The following PLCE1 variants were observed in gnomAD, a reference collection of about 807,000 sequenced individuals.
PLCE1 encodes 1-phosphatidylinositol 4,5-bisphosphate phosphodiesterase epsilon-1.
PLCE1 carries 119 observed loss-of-function variants against 242.8 expected under a neutral mutation model. The observed-to-expected ratio is 0.49, with a 90% CI of 0.42 to 0.57. The LOEUF is 0.57. Ranked by LOEUF, PLCE1 falls within the 20% of genes least tolerant of loss-of-function variation. The pLI, the probability that PLCE1 is intolerant of heterozygous loss-of-function variation, is 0.00. For synonymous variants in PLCE1, 945 were observed against 1,017.4 expected, an observed-to-expected ratio of 0.93 and a Z score of 1.35; for missense variants, 2,441 against 2,788.8, an observed-to-expected ratio of 0.88 and a Z score of 2.81.
intron 4 of PLCE1, among the ~76,000 whole-genome samples, chr10:94,171,836 C>T (rs2047990042): frequency 6.6e-6 from 1 of 152,080 alleles, no homozygotes; most frequent in Non-Finnish European, 1.5e-5. Flanking sequence ...CTTTTAAAAC[C>T]ACATGTCTCA....
chr10:94,099,329 A>G (rs2045431835), intron 2 of PLCE1, among the ~76,000 whole-genome samples: 1 of 152,132 alleles, frequency 6.6e-6, no homozygotes, highest in Admixed American at 6.5e-5. Context: ...TGGGCACTTT[A>G]CTCCATGCCA....
intron 4 of PLCE1, among the ~76,000 whole-genome samples, chr10:94,210,672 C>T (rs1257213444): frequency 1.3e-5 from 2 of 152,124 alleles, no homozygotes; most frequent in Non-Finnish European, 2.9e-5. Flanking sequence ...GGTCTCCAGC[C>T]CATAATCAGC....
intron 2 of PLCE1, among the ~76,000 whole-genome samples, chr10:94,041,045 C>T (rs1032195288): frequency 6.6e-6 from 1 of 152,000 alleles, no homozygotes; most frequent in South Asian, 2.1e-4. Context: ...TACATGAAAC[C>T]TTTGCCTATC....
chr10:94,088,195 A>T (rs2044910479), intron 2 of PLCE1: 1 of 152,262 alleles, frequency 6.6e-6, no homozygotes, highest in Non-Finnish European at 1.5e-5. Flanking sequence ...CAATAATGGA[A>T]TCCACCCTAT....
intron 2 of PLCE1, among the ~76,000 whole-genome samples, chr10:94,048,064 T>G (rs1021852753): frequency 2.0e-5 from 3 of 152,212 alleles, no homozygotes; most frequent in African/African-American, 7.2e-5. Flanking sequence ...ACACTGTATT[T>G]TATTCCTAAG....
rs533326244 is a variant in PLCE1, at chr10:94,050,600, C to T, written c.1206+18348C>T. Reference sequence around the variant, plus strand: ...CCTTTTGTGAAGAGCTCTTAGACTACCCTAATCTACCAAGTTCTTCTCTGT... The same window carrying T: ...CCTTTTGTGAAGAGCTCTTAGACTATCCTAATCTACCAAGTTCTTCTCTGT... On this transcript the variant is annotated intron_variant, in intron 2 of 32. Coordinates refer to ENST00000371380, the MANE Select transcript of PLCE1 (RefSeq NM_016341.4). Among the ~76,000 whole-genome samples, 216 of 152,184 alleles carry T rather than the reference C, an allele frequency of 1.4e-3. 1 individual carries two copies. Among genetic ancestry groups the T allele is most frequent in the Non-Finnish European group, 2.6e-3 (180 of 68,010 alleles).
chr10:94,106,678 C>T (rs2045746748), intron 2 of PLCE1, among the ~76,000 whole-genome samples: 1 of 152,110 alleles, frequency 6.6e-6, no homozygotes, highest in Admixed American at 6.5e-5. Context: ...TTTATCCTCC[C>T]ACAAATAGTG....
Position 94,181,299 on chromosome 10 carries a change from G to C in PLCE1, c.1809+9803G>C, listed in dbSNP as rs1351220077. 2.6e-5 allele frequency among the ~76,000 whole-genome samples: 4 copies of C among 152,178 alleles called. No individual in the cohort carries two copies. In the East Asian group the frequency reaches 7.7e-4, roughly 29 times the overall value. ...TTTTGAAAAGCTCCATGGGCCGGGT[G>C]CGGTGGCTCACGCCTGTAATCCCAG... On this transcript the variant is annotated intron_variant, in intron 4 of 32. Coordinates refer to ENST00000371380, the MANE Select transcript of PLCE1 (RefSeq NM_016341.4).
intron 28 of PLCE1, 64 bp from the exon 29 acceptor site, chr10:94,316,483 C>T: frequency 9.9e-7 from 1 of 1,011,418 alleles, no homozygotes; most frequent in Non-Finnish European, 1.6e-6. Context: ...ATCTGAACAC[C>T]ATGAAAGTTG....
intron 4 of PLCE1, among the ~76,000 whole-genome samples, chr10:94,215,061 G>C (rs1193646518): frequency 6.6e-6 from 1 of 152,148 alleles, no homozygotes; most frequent in Non-Finnish European, 1.5e-5. Context: ...GAGTCTTCCA[G>C]TCATGGACCA....
In PLCE1 at chr10:94,312,063, A is replaced by T. The variant is rs1423306140; in HGVS notation, c.6004-1191A>T. ...TCAGATCTCTTGGTTTTTCAAGAGA[A>T]TCAGGACATCTGGGGTTTTGTAAAT... On this transcript the variant is annotated intron_variant, in intron 27 of 32. Coordinates refer to ENST00000371380, the MANE Select transcript of PLCE1 (RefSeq NM_016341.4). 2.0e-5 allele frequency among the ~76,000 whole-genome samples: 3 copies of T among 152,186 alleles called. No individual in the cohort carries two copies. In the South Asian group the frequency reaches 6.2e-4, roughly 32 times the overall value.
intron 7 of PLCE1, among the ~76,000 whole-genome samples, chr10:94,239,590 C>T (rs2050435298): frequency 6.6e-6 from 1 of 152,180 alleles, no homozygotes; most frequent in South Asian, 2.1e-4. Context: ...GGTTCCAGCA[C>T]TTAAGTGTGG....
chr10:94,000,590 G>C (rs61866026), intron 1 of PLCE1, among the ~76,000 whole-genome samples: 31,449 of 152,198 alleles, frequency 0.21, 3,724 homozygotes, highest in Non-Finnish European at 0.26. Flanking sequence ...TAGTTTCTTT[G>C]ATAATTTTTA....
At chr10:94,060,587 T>C (rs1390371934) in intron 2 of PLCE1, among the ~76,000 whole-genome samples, 1 of 152,166 alleles carries the variant, frequency 6.6e-6, no homozygotes, top group Non-Finnish European at 1.5e-5. Context: ...GAATTTATAT[T>C]GAACTCCTAG....
intron 2 of PLCE1, among the ~76,000 whole-genome samples, chr10:94,063,495 C>T (rs1425773585): frequency 6.6e-6 from 1 of 152,142 alleles, no homozygotes; most frequent in East Asian, 1.9e-4. Flanking sequence ...AATAAATGAG[C>T]GAGTGAATAA....
chr10:94,060,695 CTT>C (rs754927815), intron 2 of PLCE1, among the ~76,000 whole-genome samples: 20 of 139,700 alleles, frequency 1.4e-4, no homozygotes, highest in Admixed American at 1.4e-4. Context: ...CATTATTTAA[CTT>C]TTTTTTTTTT....
In PLCE1 at chr10:94,306,700, T is replaced by G. The variant is rs1240232288; in HGVS notation, c.5884+12T>G. ...AGCTTTAAAACGAGGTAGAATAAAATTGTCCAAATGTTAATAATTGTTGTA... is the reference window on the plus strand; with the variant it reads ...AGCTTTAAAACGAGGTAGAATAAAAGTGTCCAAATGTTAATAATTGTTGTA... On this transcript the variant is annotated intron_variant, in intron 26 of 32. Coordinates refer to ENST00000371380, the MANE Select transcript of PLCE1 (RefSeq NM_016341.4). This position sits in a 1 kb window ranked among gnomAD's most constrained non-coding sequence, Gnocchi z 5.7. 4.4e-6 allele frequency: 7 copies of G among 1,604,692 alleles called. No individual in the cohort carries two copies. The highest frequency in any genetic ancestry group is 6.0e-6 in the Non-Finnish European group (7 of 1,172,762).
intron 3 of PLCE1, among the ~76,000 whole-genome samples, chr10:94,133,225 T>C (rs1006295546): frequency 6.6e-6 from 1 of 152,134 alleles, no homozygotes; most frequent in Non-Finnish European, 1.5e-5. Flanking sequence ...CCAAAGGCCA[T>C]CTTCCAGCTA....
intron 2 of PLCE1, among the ~76,000 whole-genome samples, chr10:94,083,908 T>G (rs2044726512): frequency 6.6e-6 from 1 of 151,978 alleles, no homozygotes; most frequent in Non-Finnish European, 1.5e-5. Context: ...TAACTGAGAG[T>G]TTGTAGTTAA....
Sources: gnomAD v4.1 joint callset for allele counts (sites outside exome capture counted in the v4.1 genomes callset) on GRCh38, gnomAD v4.1.1 for gene constraint, Gnocchi (gnomAD v3.1) non-coding constraint, MANE v1.5 for transcripts, NCBI Gene and HGNC (gene_info 2026-07-23, HGNC 2026-07-21) for gene names.